Variants in MYO18B observed in about 807,000 individuals in gnomAD.
MYO18B encodes myosin XVIIIB.
A neutral mutation model predicts 273.0 loss-of-function variants in MYO18B; 204 were observed. That is an observed-to-expected ratio of 0.75 (90% confidence interval 0.67 to 0.84). The LOEUF (loss-of-function observed/expected upper bound fraction) is 0.84, where lower values mean the gene tolerates loss of function less well. MYO18B is among the 40% of genes least tolerant of loss of function. The probability of loss-of-function intolerance (pLI) is 0.00; values close to 1 mark genes in which losing one functional copy is unlikely to be tolerated. For synonymous variants in MYO18B, 1,330 were observed against 1,305.7 expected (o/e 1.02, Z -0.40); for missense variants, 3,212 against 3,287.6 (o/e 0.98, Z 0.56).
chr22:25,992,310 G>C (rs889244679), intron 39 of MYO18B, 53 bp from the exon 40 acceptor site: 20 of 1,605,350 alleles, frequency 1.2e-5, no homozygotes, highest in Non-Finnish European at 1.2e-5. Flanking sequence ...TGCATGCATG[G>C]GTGGTGCATT....
chr22:25,908,398 A>T lies in MYO18B; in HGVS notation c.5225A>T (p.Glu1742Val). ...AAGGACCGTGAGGACCAGGAGGAGG[A>T]ACTGGAGGATGTCCGTCAGTCCTGC... ...HQKDREDQEE[E>V]LEDVRQSCQK... The change falls in exon 32 of 44, where the codon GAA (glutamate) becomes GTA (valine). Residue 1742 changes from glutamate to valine, a missense_variant. Transcript: ENST00000335473. 1 of 1,600,754 alleles carries T rather than the reference A, an allele frequency of 6.2e-7. No individual in the cohort carries two copies. The highest frequency in any genetic ancestry group is 8.5e-7 in the Non-Finnish European group (1 of 1,173,900).
At chr22:25,777,558 G>A (rs1456583012) in intron 7 of MYO18B, 25 bp from the exon 8 acceptor site, 2 of 1,561,946 alleles carry the variant, frequency 1.3e-6, no homozygotes, top group South Asian at 1.2e-5. Context: ...GGATGGGATG[G>A]CTGATACCTG....
chr22:25,944,499 C>T (rs545971145), intron 34 of MYO18B, among the ~76,000 whole-genome samples: 1 of 152,240 alleles, frequency 6.6e-6, no homozygotes, highest in African/African-American at 2.4e-5. Flanking sequence ...TGTAGACCTG[C>T]TAAATGTTCA....
At chr22:25,905,003 G>A (rs900070141) in intron 31 of MYO18B, among the ~76,000 whole-genome samples, 1 of 151,570 alleles carries the variant, frequency 6.6e-6, no homozygotes, top group Non-Finnish European at 1.5e-5. Flanking sequence ...GGCTCTAAAC[G>A]AATTTCTCTT....
intron 15 of MYO18B, among the ~76,000 whole-genome samples, chr22:25,831,539 C>G (rs184315761): frequency 6.6e-6 from 1 of 152,150 alleles, no homozygotes; most frequent in Non-Finnish European, 1.5e-5. Context: ...CCTGCCACCA[C>G]GCCTGGCTAA....
chr22:25,953,136 A>G (rs1018793727), intron 38 of MYO18B, among the ~76,000 whole-genome samples: 4 of 152,186 alleles, frequency 2.6e-5, no homozygotes, highest in Admixed American at 6.5e-5. Flanking sequence ...TTACATTCAC[A>G]TTGCCCTTGA....
intron 39 of MYO18B, among the ~76,000 whole-genome samples, chr22:25,955,854 C>T (rs1299918999): frequency 6.6e-6 from 1 of 152,172 alleles, no homozygotes; most frequent in Non-Finnish European, 1.5e-5. Flanking sequence ...TCTAAGGCCA[C>T]ATCTAGTAAA....
chr22:26,021,390 A>T (rs757645465), intron 42 of MYO18B, among the ~76,000 whole-genome samples: 1 of 152,230 alleles, frequency 6.6e-6, no homozygotes, highest in Non-Finnish European at 1.5e-5. Context: ...TAACTTGAAC[A>T]TACATTTTAT....
intron 16 of MYO18B, among the ~76,000 whole-genome samples, chr22:25,834,142 CT>C (rs935617161): frequency 3.8e-4 from 54 of 142,038 alleles, no homozygotes; most frequent in African/African-American, 9.6e-4. Context: ...CCTTCTTCTT[CT>C]TTTTTTTTTT....
the MYO18B span, among the ~76,000 whole-genome samples, chr22:26,040,421 A>G: frequency 6.6e-6 from 1 of 152,340 alleles, no homozygotes; most frequent in East Asian, 1.9e-4. Context: ...AGCAGTAAAT[A>G]AAACAGACAG....
chr22:25,752,165 A>G (rs1462660470), intron 1 of MYO18B, among the ~76,000 whole-genome samples: 1 of 150,466 alleles, frequency 6.6e-6, no homozygotes, highest in East Asian at 2.0e-4. Flanking sequence ...CATTTGACAA[A>G]TATTTAACTT....
At chr22:25,759,431 A>G (rs970497944) in intron 1 of MYO18B, among the ~76,000 whole-genome samples, 1 of 152,168 alleles carries the variant, frequency 6.6e-6, no homozygotes, top group Non-Finnish European at 1.5e-5. Context: ...AAACAAAACC[A>G]AACACTGCAC....
intron 39 of MYO18B, among the ~76,000 whole-genome samples, chr22:25,962,565 G>A (rs550226492): frequency 6.6e-6 from 1 of 152,294 alleles, no homozygotes; most frequent in East Asian, 1.9e-4. Flanking sequence ...GATGTTGTGG[G>A]AGATGCAGAC....
chr22:25,822,095 C>T (rs573409699), intron 12 of MYO18B, among the ~76,000 whole-genome samples: 4 of 152,188 alleles, frequency 2.6e-5, no homozygotes, highest in Non-Finnish European at 5.9e-5. Context: ...AAGAGTGGCT[C>T]TCCATTGATT....
chr22:25,790,599 T>G (rs1403344828), intron 11 of MYO18B, among the ~76,000 whole-genome samples: 1 of 152,244 alleles, frequency 6.6e-6, no homozygotes, highest in East Asian at 1.9e-4. Context: ...CAGCCAGGCA[T>G]ACAGCAAGTG....
At chr22:25,814,005 T>A (rs1203338934) in intron 12 of MYO18B, among the ~76,000 whole-genome samples, 1 of 152,214 alleles carries the variant, frequency 6.6e-6, no homozygotes, top group Non-Finnish European at 1.5e-5. Context: ...GTAGAATTTA[T>A]TCATAAAGCT....
chr22:26,060,949 A>G, the MYO18B span, among the ~76,000 whole-genome samples: 1 of 152,118 alleles, frequency 6.6e-6, no homozygotes, highest in South Asian at 2.1e-4. Flanking sequence ...ACACATGCAC[A>G]CACCACATAT....
intron 21 of MYO18B, among the ~76,000 whole-genome samples, chr22:25,859,486 C>T (rs2146094418): frequency 6.6e-6 from 1 of 152,282 alleles, no homozygotes; most frequent in African/African-American, 2.4e-5. Flanking sequence ...TACCATTGTT[C>T]ATCCTCACTG....
At chr22:25,986,919 A>G (rs2093208266) in intron 39 of MYO18B, among the ~76,000 whole-genome samples, 3 of 152,238 alleles carry the variant, frequency 2.0e-5, no homozygotes, top group South Asian at 4.1e-4. Context: ...TATTTATAAT[A>G]GCATATGTGT....
Sources: allele counts gnomAD v4.1 joint callset (sites outside exome capture counted in the v4.1 genomes callset), GRCh38; gene constraint gnomAD v4.1.1; transcripts MANE v1.5; gene names NCBI Gene and HGNC (gene_info 2026-07-23, HGNC 2026-07-21).